RHOA: variants seen among roughly 807,000 people sequenced by gnomAD.
RHOA encodes the protein transforming protein RhoA.
A neutral mutation model predicts 17.5 loss-of-function variants in RHOA; 3 were observed. The observed-to-expected ratio is 0.17, with a 90% CI of 0.08 to 0.44. The LOEUF (loss-of-function observed/expected upper bound fraction) is 0.44, where lower values mean the gene tolerates loss of function less well. Among genes scored for constraint, RHOA ranks in the 20% least tolerant of loss-of-function variants. RHOA has a pLI of 0.99. For missense variants in RHOA, 56 were observed against 242.3 expected (o/e 0.23, Z 5.10); for synonymous variants, 98 against 88.4 (o/e 1.11, Z -0.61).
intron 1 of RHOA, among the ~76,000 whole-genome samples, chr3:49,408,177 AAT>A (rs201276082): frequency 0.037 from 4,315 of 116,666 alleles, 95 homozygotes; most frequent in Non-Finnish European, 0.067. Context: ...AAAAAAAAAA[AAT>A]ATATATATAT....
chr3:49,381,234 G>A (rs1160283512), intron 1 of RHOA, among the ~76,000 whole-genome samples: 5 of 151,122 alleles, frequency 3.3e-5, no homozygotes, highest in East Asian at 2.0e-4. Context: ...GTGAAACCCC[G>A]TCTCTACAAA....
At chr3:49,361,319 CAG>C (rs1559493544) in intron 4 of RHOA, among the ~76,000 whole-genome samples, 1 of 152,114 alleles carries the variant, frequency 6.6e-6, no homozygotes, top group Non-Finnish European at 1.5e-5. Flanking sequence ...GACATTCAGA[CAG>C]AGAAACCTGA....
intron 1 of RHOA, among the ~76,000 whole-genome samples, chr3:49,375,847 G>A (rs1212684614): frequency 6.6e-6 from 1 of 151,848 alleles, no homozygotes; most frequent in Non-Finnish European, 1.5e-5. Context: ...GTCTGTTCTT[G>A]CCACTTCTTT....
At chr3:49,388,121 C>T (rs2048431971) in intron 1 of RHOA, among the ~76,000 whole-genome samples, 1 of 151,880 alleles carries the variant, frequency 6.6e-6, no homozygotes, top group African/African-American at 2.4e-5. Context: ...ACCCTCCCAC[C>T]TCAGCTTCCC....
At chr3:49,360,436 T>TA (rs1308063091) in intron 4 of RHOA, 54 bp from the exon 5 acceptor site, 1 of 1,518,344 alleles carries the variant, frequency 6.6e-7, no homozygotes, top group African/African-American at 1.4e-5. Flanking sequence ...ATACATATAG[T>TA]AAGTAAAAAG....
At chr3:49,381,701 C>G (rs1375727795) in intron 1 of RHOA, among the ~76,000 whole-genome samples, 1 of 151,654 alleles carries the variant, frequency 6.6e-6, no homozygotes, top group Non-Finnish European at 1.5e-5. Context: ...CCCATCTCTA[C>G]TAAAAATAGA....
chr3:49,363,244 C>G, intron 3 of RHOA, among the ~76,000 whole-genome samples: 1 of 151,608 alleles, frequency 6.6e-6, no homozygotes, highest in East Asian at 1.9e-4. Context: ...CAGTGAAACC[C>G]CGTCTCTACT....
chr3:49,403,682 G>A (rs971856238), intron 1 of RHOA, among the ~76,000 whole-genome samples: 2 of 152,050 alleles, frequency 1.3e-5, no homozygotes, highest in Non-Finnish European at 1.5e-5. Context: ...CCATGATTCC[G>A]ACACTGCACT....
intron 1 of RHOA, among the ~76,000 whole-genome samples, chr3:49,402,451 G>A (rs895242049): frequency 9.9e-5 from 15 of 152,044 alleles, no homozygotes; most frequent in African/African-American, 3.4e-4. Context: ...ACCACTTTGC[G>A]AGGCCAGAGC....
intron 1 of RHOA, among the ~76,000 whole-genome samples, chr3:49,391,289 G>C (rs2048501304): frequency 6.6e-6 from 1 of 151,468 alleles, no homozygotes; most frequent in Non-Finnish European, 1.5e-5. Flanking sequence ...CTACTAGGGA[G>C]GCTGAGGCAG....
chr3:49,401,876 T>C (rs368610393), intron 1 of RHOA, among the ~76,000 whole-genome samples: 13 of 152,318 alleles, frequency 8.5e-5, no homozygotes, highest in Admixed American at 2.0e-4. Flanking sequence ...AGCGCCCATC[T>C]TGAAGCATTT....
At chr3:49,365,538 A>G (rs2048041808) in intron 3 of RHOA, among the ~76,000 whole-genome samples, 1 of 151,778 alleles carries the variant, frequency 6.6e-6, no homozygotes, top group African/African-American at 2.4e-5. Context: ...TGAGGTACAT[A>G]GAATTTGAAT....
chr3:49,367,546 C>CT (rs561351090), intron 3 of RHOA, among the ~76,000 whole-genome samples: 28 of 150,156 alleles, frequency 1.9e-4, no homozygotes, highest in South Asian at 6.3e-4. Flanking sequence ...GTTTGCTCAT[C>CT]TTTTTTTTTG....
At chr3:49,395,188 T>C (rs1271509757) in intron 1 of RHOA, among the ~76,000 whole-genome samples, 3 of 151,108 alleles carry the variant, frequency 2.0e-5, no homozygotes, top group African/African-American at 7.3e-5. Flanking sequence ...GAGGCGGAGC[T>C]TGCAGTGAGC....
At chr3:49,376,727 G>T (rs945747667) in intron 1 of RHOA, among the ~76,000 whole-genome samples, 8 of 152,028 alleles carry the variant, frequency 5.3e-5, no homozygotes, top group African/African-American at 1.9e-4. Flanking sequence ...AGTACCCAAG[G>T]GAGGAAAGAA....
intron 1 of RHOA, among the ~76,000 whole-genome samples, chr3:49,389,844 G>C (rs1359473874): frequency 6.9e-6 from 1 of 145,846 alleles, no homozygotes; most frequent in African/African-American, 2.5e-5. Flanking sequence ...GGCTGAGGCA[G>C]AAAAATGGCA....
At chr3:49,366,692 T>A (rs2048062030) in intron 3 of RHOA, 1 of 152,244 alleles carries the variant, frequency 6.6e-6, no homozygotes, top group South Asian at 2.1e-4. Context: ...TGGGACATAC[T>A]GCACAGAGGA....
chr3:49,386,288 A>C (rs1575663146), intron 1 of RHOA, among the ~76,000 whole-genome samples: 1 of 152,250 alleles, frequency 6.6e-6, no homozygotes, highest in Non-Finnish European at 1.5e-5. Context: ...CCTTATACTT[A>C]GAACCACAGG....
At chr3:49,364,014 G>A (rs2048014087) in intron 3 of RHOA, among the ~76,000 whole-genome samples, 1 of 151,590 alleles carries the variant, frequency 6.6e-6, no homozygotes. Flanking sequence ...CGCTACTACT[G>A]CACTCCAGCC....
Sources: allele counts gnomAD v4.1 joint callset (sites outside exome capture counted in the v4.1 genomes callset), GRCh38; gene constraint gnomAD v4.1.1; transcripts MANE v1.5; gene names NCBI Gene and HGNC (gene_info 2026-07-23, HGNC 2026-07-21).